The following MMEL1 variants were observed in gnomAD, a reference collection of about 807,000 sequenced individuals.
MMEL1 encodes membrane metallo-endopeptidase-like 1.
A neutral mutation model predicts 117.1 loss-of-function variants in MMEL1; 98 were observed. The observed-to-expected ratio is 0.84, with a 90% CI of 0.71 to 0.99. The LOEUF is 0.99. Ranked by LOEUF, MMEL1 falls within the 50% of genes least tolerant of loss-of-function variation. The pLI is 0.00. For missense variants in MMEL1, 1,014 were observed against 1,049.1 expected, an observed-to-expected ratio of 0.97 and a Z score of 0.46; for synonymous variants, 390 against 415.1, an observed-to-expected ratio of 0.94 and a Z score of 0.74.
In MMEL1 at chr1:2,591,772, A is replaced by G. The variant is rs527381191; in HGVS notation, c.2164-139T>C. The G allele has an allele frequency of 5.8e-6, 6 of 1,034,178 alleles. No individual in the cohort carries two copies. The African/African-American group carries it at 9.4e-5, about 16-fold the overall frequency. The allele number at this position is 1,034,178 out of a possible 1,614,324, so 64.1% of individuals were successfully genotyped here. Reference sequence around the variant, plus strand: ...CAGCAGGTGCTCCCCTCCTCCCATCAGCATTGAAATCCTGTCCAGCTCCCG... The same window carrying G: ...CAGCAGGTGCTCCCCTCCTCCCATCGGCATTGAAATCCTGTCCAGCTCCCG... On this transcript the variant is annotated intron_variant, in intron 22 of 23. Transcript: ENST00000378412.
Position 2,594,861 on chromosome 1 carries a change from G to T in MMEL1, c.1617C>A (p.Asn539Lys). The T allele has an allele frequency of 6.2e-7, 1 of 1,614,042 alleles. No individual in the cohort carries two copies. The highest frequency in any genetic ancestry group is 8.5e-7 in the Non-Finnish European group (1 of 1,179,990). Reference sequence around the variant, plus strand: ...CGCCCACCTTGAGGTTCTGCAGACTGTTCTCAAAGTACAGGTCCTCTGAGA... The same window carrying T: ...CGCCCACCTTGAGGTTCTGCAGACTTTTCTCAAAGTACAGGTCCTCTGAGA... ...LNFSEDLYFE[N>K]SLQNLKVGAQ... Residue 539 changes from asparagine (N) to lysine (K), a missense_variant, in exon 17 of 24, where the codon AAC (asparagine) becomes AAA (lysine). Coordinates refer to ENST00000378412, the MANE Select transcript of MMEL1 (RefSeq NM_033467.4).
rs768651581 is a variant in MMEL1 at position 2,595,982 on chromosome 1, C to T, written c.1500+27G>A. The T allele has an allele frequency of 4.4e-6, 7 of 1,598,592 alleles. No homozygotes were observed. The Admixed American group carries it at 1.2e-4, about 27-fold the overall frequency. ...TGCCCGTGCCCAGATCCAGTCGGGG[C>T]TGCCCTGACCTCTGCGAGCCACATA... On this transcript the variant is annotated intron_variant, in intron 15 of 23. Transcript: ENST00000378412. This position sits in a 1 kb window ranked among gnomAD's most constrained non-coding sequence, Gnocchi z 4.8.
chr1:2,617,272 A>T (rs1645216077), intron 2 of MMEL1, among the ~76,000 whole-genome samples: 1 of 151,824 alleles, frequency 6.6e-6, no homozygotes, highest in South Asian at 2.1e-4. Flanking sequence ...CTAAAAATAC[A>T]AAAAATTAGC....
chr1:2,595,160 C>A lies in MMEL1; in HGVS notation c.1584+116G>T, dbSNP rs562396411. 13 of 933,468 alleles carry A rather than the reference C, an allele frequency of 1.4e-5. No homozygotes were observed. In the Admixed American group the frequency reaches 2.5e-4, roughly 18 times the overall value. 57.8% of individuals were successfully genotyped at this position (933,468 alleles called of 1,614,324 possible). A position where few individuals can be genotyped will look rare whatever the true frequency, so the allele number is the denominator to read the frequency against. On this transcript the variant is annotated intron_variant, in intron 16 of 23. Transcript: ENST00000378412. The surrounding 1 kb of genome is among the most constrained non-coding windows in gnomAD (Gnocchi z 4.8). The stretch of plus-strand genomic sequence containing the variant: ...CCACCACCCTAGGGCACGGTGAGGA[C>A]AGCTGTGTTAGCGCCTGGGAGGAGG...
chr1:2,594,871 T>C lies in MMEL1; in HGVS notation c.1607A>G (p.Tyr536Cys). 1.2e-6 allele frequency: 2 copies of C among 1,613,818 alleles called. No individual in the cohort carries two copies. The highest frequency in any genetic ancestry group is 1.7e-6 in the Non-Finnish European group (2 of 1,179,894). ...GAGGTTCTGCAGACTGTTCTCAAAG[T>C]ACAGGTCCTCTGAGAAGTTCAGCTA... ...YSNLNFSEDL[Y>C]FENSLQNLKV... is the part of the protein sequence containing the mutation. Residue 536 changes from tyrosine (Y) to cysteine (C), a missense_variant, in exon 17 of 24, where the codon TAC becomes TGC. Tyr to Cys is a radical substitution (Grantham distance 194, BLOSUM62 -2). Transcript: ENST00000378412.
chr1:2,604,057 C>A (rs35642779), intron 10 of MMEL1, 84 bp from the exon 11 acceptor site: 119,551 of 1,576,106 alleles, frequency 0.076, 5,283 homozygotes, highest in Middle Eastern at 0.091. Context: ...GCTACCGGCC[C>A]ACCCAGCACC....
At chr1:2,617,226 G>C (rs1003677180) in intron 2 of MMEL1, among the ~76,000 whole-genome samples, 1 of 152,020 alleles carries the variant, frequency 6.6e-6, no homozygotes, top group Non-Finnish European at 1.5e-5. Flanking sequence ...AGGAGATCGA[G>C]ACCATCCCGG....
chr1:2,593,569 A>C (rs2100927419), intron 19 of MMEL1, among the ~76,000 whole-genome samples: 1 of 152,298 alleles, frequency 6.6e-6, no homozygotes, highest in Non-Finnish European at 1.5e-5. Flanking sequence ...GCCCAGTGCC[A>C]GGTGGAGTCA....
chr1:2,591,337 C>T (rs1128769), intron 23 of MMEL1: 82 of 600,112 alleles, frequency 1.4e-4, no homozygotes, highest in Non-Finnish European at 2.2e-4. Context: ...CAGAAACATT[C>T]GCAGCCTGCG....
In MMEL1 at chr1:2,592,882, A is replaced by G. The variant is rs753457350; in HGVS notation, c.1952T>C (p.Met651Thr). ...TQHFREQSEC[M>T]IYQYGNYSWD... ...GGAGTAGTTGCCGTACTGGTAGATC[A>G]TGCACTCTGACTGCTCCCGGAAGTG... Residue 651 changes from methionine (M) to threonine (T), a missense_variant, in exon 20 of 24, where the codon ATG (methionine) becomes ACG (threonine). Transcript: ENST00000378412. 1.2e-6 allele frequency: 2 copies of G among 1,613,564 alleles called. No homozygotes were observed. The highest frequency in any genetic ancestry group is 1.3e-5 in the African/African-American group (1 of 74,834).
At chr1:2,605,694 A>G in intron 8 of MMEL1, 71 bp from the exon 9 acceptor site, 4 of 1,169,254 alleles carry the variant, frequency 3.4e-6, no homozygotes, top group African/African-American at 1.5e-5. Context: ...GGCAGGCTGC[A>G]GCCGCCTCCC....
At chr1:2,625,976 A>C (rs1167526873) in intron 2 of MMEL1, among the ~76,000 whole-genome samples, 1 of 152,166 alleles carries the variant, frequency 6.6e-6, no homozygotes, top group African/African-American at 2.4e-5. Flanking sequence ...ATGGTTCTGC[A>C]TGATATGAAG....
chr1:2,593,066 C>A, intron 19 of MMEL1, 100 bp from the exon 20 acceptor site: 1 of 1,469,856 alleles, frequency 6.8e-7, no homozygotes. Context: ...CCTCCTGCAG[C>A]CAGCCCCAGT....
chr1:2,594,710 C>T (rs545912152), intron 17 of MMEL1, 80 bp downstream of exon 17: 134 of 1,271,970 alleles, frequency 1.1e-4, no homozygotes, highest in African/African-American at 1.0e-3. Context: ...TCCAGTCCCC[C>T]GCCTGGCAGG....
intron 7 of MMEL1, 70 bp from the exon 8 acceptor site, chr1:2,606,436 A>T: frequency 8.2e-7 from 1 of 1,218,984 alleles, no homozygotes; most frequent in Non-Finnish European, 1.2e-6. Flanking sequence ...TTGTCGGTGA[A>T]TCTGGCCTCC....
intron 17 of MMEL1, 141 bp downstream of exon 17, chr1:2,594,649 G>T (rs1644802157): frequency 3.4e-6 from 3 of 891,278 alleles, no homozygotes; most frequent in African/African-American, 3.3e-5. Context: ...CTCTGTCCAA[G>T]ATAGGCCCAG....
chr1:2,591,975 A>G lies in MMEL1; in HGVS notation c.2120T>C (p.Leu707Pro). The part of the protein sequence containing the change: ...EGGKDQQLPG[L>P]DLTHEQLFFI... Reference sequence around the variant, plus strand: ...GAAGAGCTGCTCATGGGTGAGATCCAGGCCGGGCAGCTGCTGGTCCTTGCC... The same window carrying G: ...GAAGAGCTGCTCATGGGTGAGATCCGGGCCGGGCAGCTGCTGGTCCTTGCC... Residue 707 changes from leucine (L) to proline (P), a missense_variant, in exon 22 of 24, where the codon CTG (leucine) becomes CCG (proline). Leu to Pro is a moderately conservative substitution (Grantham distance 98, BLOSUM62 -3). Transcript: ENST00000378412. 1.2e-6 allele frequency: 2 copies of G among 1,613,342 alleles called. No individual in the cohort carries two copies. Among genetic ancestry groups the G allele is most frequent in the Non-Finnish European group, 8.5e-7 (1 of 1,179,856 alleles).
intron 7 of MMEL1, among the ~76,000 whole-genome samples, chr1:2,606,586 T>C (rs1182565977): frequency 1.3e-5 from 2 of 152,138 alleles, no homozygotes; most frequent in African/African-American, 4.8e-5. Flanking sequence ...GGGAGCAGCA[T>C]GGGGTTGTCA....
At chr1:2,630,315 AGTGT>A (rs933745227) in intron 1 of MMEL1, 1 of 149,276 alleles carries the variant, frequency 6.7e-6, no homozygotes, top group Non-Finnish European at 1.5e-5. Flanking sequence ...TGTGCAAATG[AGTGT>A]GTGCATGTAG....
Sources: allele counts gnomAD v4.1 joint callset (sites outside exome capture counted in the v4.1 genomes callset), GRCh38; gene constraint gnomAD v4.1.1; non-coding constraint Gnocchi (gnomAD v3.1); transcripts MANE v1.5; gene names NCBI Gene and HGNC (gene_info 2026-07-23, HGNC 2026-07-21).